The following CTNNAL1 variants were observed in gnomAD, a reference collection of about 807,000 sequenced individuals.
CTNNAL1 encodes catenin alpha like 1, also known as alpha-catulin.
Under a neutral mutation model 93.6 loss-of-function variants are expected in CTNNAL1, and 69 were observed. That is an observed-to-expected ratio of 0.74 (90% CI 0.61 to 0.90). The LOEUF (loss-of-function observed/expected upper bound fraction) is 0.90, where lower values mean the gene tolerates loss of function less well. Ranked by LOEUF, CTNNAL1 falls within the 40% of genes least tolerant of loss-of-function variation. The probability of loss-of-function intolerance (pLI) is 0.00; values close to 1 mark genes in which losing one functional copy is unlikely to be tolerated. For synonymous variants in CTNNAL1, 286 were observed against 305.4 expected, an observed-to-expected ratio of 0.94 and a Z score of 0.66; for missense variants, 836 against 862.0, an observed-to-expected ratio of 0.97 and a Z score of 0.38.
intron 1 of CTNNAL1, among the ~76,000 whole-genome samples, chr9:109,012,656 A>G (rs1827240150): frequency 6.6e-6 from 1 of 152,224 alleles, no homozygotes; most frequent in South Asian, 2.1e-4. Context: ...TAACTGTCAT[A>G]CAGTCTCCAC....
rs547584393 is a variant in CTNNAL1, at chr9:109,007,282, A to G, written c.141+6020T>C. Among the ~76,000 whole-genome samples, 23 of 152,250 alleles carry G rather than the reference A, an allele frequency of 1.5e-4. No homozygotes were observed. In the South Asian group the frequency reaches 4.8e-3, roughly 32 times the overall value. ...AAACACGCATGTATTCACATACACAAATCAGCAAAGAGCAGAGAGGGCGCC... is the reference window on the plus strand; with the variant it reads ...AAACACGCATGTATTCACATACACAGATCAGCAAAGAGCAGAGAGGGCGCC... On this transcript the variant is annotated intron_variant, in intron 1 of 18. Transcript: ENST00000325551.
chr9:108,991,127 A>G (rs1476255177), intron 3 of CTNNAL1, among the ~76,000 whole-genome samples: 2 of 152,224 alleles, frequency 1.3e-5, no homozygotes, highest in Non-Finnish European at 2.9e-5. Flanking sequence ...AAAGGAAGGG[A>G]TCATTTATGT....
intron 12 of CTNNAL1, among the ~76,000 whole-genome samples, chr9:108,954,076 A>G (rs1486935589): frequency 6.6e-6 from 1 of 152,176 alleles, no homozygotes; most frequent in Non-Finnish European, 1.5e-5. Context: ...TTTTACTTTT[A>G]CTAATGATGA....
intron 14 of CTNNAL1, among the ~76,000 whole-genome samples, chr9:108,949,863 G>C (rs116772702): frequency 0.02 from 2,973 of 149,446 alleles, 36 homozygotes; most frequent in Non-Finnish European, 0.025. Flanking sequence ...AAAAAATAAA[G>C]AAATACAAAA....
intron 8 of CTNNAL1, among the ~76,000 whole-genome samples, chr9:108,975,777 T>G (rs1397342412): frequency 6.6e-6 from 1 of 152,162 alleles, no homozygotes; most frequent in Non-Finnish European, 1.5e-5. Flanking sequence ...ACTCTGCTGT[T>G]GTAGTGAGAA....
intron 11 of CTNNAL1, among the ~76,000 whole-genome samples, chr9:108,963,759 A>G (rs543874999): frequency 6.6e-6 from 1 of 152,314 alleles, no homozygotes; most frequent in Non-Finnish European, 1.5e-5. Context: ...CTTTAAAGAG[A>G]GCCAGCCAGG....
chr9:108,951,303 C>A (rs1554707096), intron 14 of CTNNAL1, among the ~76,000 whole-genome samples: 1 of 151,802 alleles, frequency 6.6e-6, no homozygotes, highest in Non-Finnish European at 1.5e-5. Context: ...GCGTGAGCCA[C>A]CATGCCCGGC....
intron 4 of CTNNAL1, among the ~76,000 whole-genome samples, chr9:108,989,137 A>C (rs1345033152): frequency 6.6e-6 from 1 of 152,234 alleles, no homozygotes; most frequent in Non-Finnish European, 1.5e-5. Context: ...TCTCCATGCC[A>C]AATTTCTAAC....
chr9:108,969,248 C>T (rs914209006), intron 10 of CTNNAL1, among the ~76,000 whole-genome samples: 12 of 149,672 alleles, frequency 8.0e-5, no homozygotes, highest in Non-Finnish European at 1.2e-4. Context: ...CCAGCCTGGG[C>T]GACAGAGCTA....
intron 2 of CTNNAL1, among the ~76,000 whole-genome samples, chr9:108,994,819 G>GCT (rs374736487): frequency 3.3e-5 from 5 of 151,998 alleles, no homozygotes; most frequent in Admixed American, 6.6e-5. Flanking sequence ...TGTCTGGGTT[G>GCT]CTCTCTCTCT....
At chr9:108,963,808 C>T (rs531223965) in intron 11 of CTNNAL1, among the ~76,000 whole-genome samples, 3 of 152,270 alleles carry the variant, frequency 2.0e-5, no homozygotes, top group African/African-American at 4.8e-5. Context: ...GCCCAGAAGT[C>T]GAAAGTACAC....
chr9:108,990,950 A>G, intron 3 of CTNNAL1, 105 bp from the exon 4 acceptor site: 1 of 1,350,620 alleles, frequency 7.4e-7, no homozygotes, highest in Non-Finnish European at 9.9e-7. Flanking sequence ...ATTCTAGGTG[A>G]AAGCTGAGGA....
intron 9 of CTNNAL1, among the ~76,000 whole-genome samples, chr9:108,970,926 G>A (rs1187649541): frequency 1.3e-5 from 2 of 152,100 alleles, no homozygotes; most frequent in Non-Finnish European, 2.9e-5. Flanking sequence ...GTCTTCCAAT[G>A]GAGCTAACAT....
chr9:109,007,959 C>T (rs1351155728), intron 1 of CTNNAL1, among the ~76,000 whole-genome samples: 1 of 151,818 alleles, frequency 6.6e-6, no homozygotes, highest in African/African-American at 2.4e-5. Context: ...TTTTTTTTCA[C>T]TCAACATTAT....
At chr9:108,968,894 A>G (rs1490212692) in intron 10 of CTNNAL1, among the ~76,000 whole-genome samples, 1 of 151,858 alleles carries the variant, frequency 6.6e-6, no homozygotes, top group Admixed American at 6.6e-5. Flanking sequence ...ATATAAATAA[A>G]GTATAAATTA....
At chr9:108,969,760 C>A (rs1428567400) in intron 10 of CTNNAL1, among the ~76,000 whole-genome samples, 1 of 152,172 alleles carries the variant, frequency 6.6e-6, no homozygotes, top group Non-Finnish European at 1.5e-5. Context: ...TAAAGCTATC[C>A]CCCTGCCTCA....
chr9:108,996,830 C>A (rs1009578736), intron 2 of CTNNAL1, among the ~76,000 whole-genome samples: 24 of 152,090 alleles, frequency 1.6e-4, no homozygotes, highest in African/African-American at 5.5e-4. Flanking sequence ...TCATAAGCAC[C>A]CACACAATAA....
At chr9:108,947,731 G>A (rs181670043) in intron 15 of CTNNAL1, among the ~76,000 whole-genome samples, 18 of 152,306 alleles carry the variant, frequency 1.2e-4, no homozygotes, top group Admixed American at 7.8e-4. Flanking sequence ...CTGAAGGAAA[G>A]AAGGAAACTA....
chr9:108,945,508 G>A (rs1026125892), intron 15 of CTNNAL1, among the ~76,000 whole-genome samples: 2 of 147,878 alleles, frequency 1.4e-5, no homozygotes, highest in African/African-American at 2.5e-5. Context: ...GTTGTCCAGA[G>A]TGAAGTGAAG....
Sources: allele counts gnomAD v4.1 joint callset (sites outside exome capture counted in the v4.1 genomes callset), GRCh38; gene constraint gnomAD v4.1.1; transcripts MANE v1.5; gene names NCBI Gene and HGNC (gene_info 2026-07-23, HGNC 2026-07-21).